The following RMDN3 variants were observed in gnomAD, a reference collection of about 807,000 sequenced individuals.
RMDN3 encodes regulator of microtubule dynamics 3, also known as regulator of microtubule dynamics protein 3.
RMDN3 carries 41 observed loss-of-function variants against 61.8 expected under a neutral mutation model. The ratio of observed to expected loss-of-function variants is 0.66; its 90% CI spans 0.52 to 0.86. RMDN3 has a LOEUF of 0.86. RMDN3 is among the 40% of genes least tolerant of loss of function. The pLI, the probability that RMDN3 is intolerant of heterozygous loss-of-function variation, is 0.00. For synonymous variants in RMDN3, 247 were observed against 232.0 expected, an observed-to-expected ratio of 1.06 and a Z score of -0.59; for missense variants, 557 against 585.3, an observed-to-expected ratio of 0.95 and a Z score of 0.50.
In RMDN3 at chr15:40,745,108, C is replaced by T; in HGVS notation, c.676G>A (p.Ala226Thr). The T allele has an allele frequency of 6.2e-7, 1 of 1,614,144 alleles. No individual in the cohort carries two copies. The change falls in exon 5 of 13, where the codon GCC becomes ACC. Residue 226 changes from alanine (A) to threonine (T), a missense_variant. Ala to Thr is a moderately conservative substitution (Grantham distance 58). Coordinates refer to ENST00000338376, the MANE Select transcript of RMDN3 (RefSeq NM_018145.3). Reference protein sequence around the residue: ...EEEAASGASSALEAGGSSGLE... With the variant: ...EEEAASGASSTLEAGGSSGLE... ...CCTGAGGAACCTCCAGCCTCCAGGGCACTGGAGGCACCTGAAGCTGCCTCT... is the reference window on the plus strand; with the variant it reads ...CCTGAGGAACCTCCAGCCTCCAGGGTACTGGAGGCACCTGAAGCTGCCTCT...
intron 4 of RMDN3, among the ~76,000 whole-genome samples, chr15:40,747,077 G>C (rs753798521): frequency 6.6e-6 from 1 of 152,156 alleles, no homozygotes; most frequent in Non-Finnish European, 1.5e-5. Context: ...ATGGGTAGAT[G>C]GTTTATCTGG....
intron 2 of RMDN3, among the ~76,000 whole-genome samples, chr15:40,753,251 C>T (rs1897899503): frequency 6.6e-6 from 1 of 152,186 alleles, no homozygotes; most frequent in South Asian, 2.1e-4. Flanking sequence ...TCCTCTTGGC[C>T]AGGTGTGGTG....
chr15:40,736,012 G>A lies in RMDN3; in HGVS notation c.*529C>T, dbSNP rs1897024607. Reference sequence around the variant, plus strand: ...CATTCCAAAAGCTGCCAGGACACTGGAAGTTATCAAGTGGTCCAGCCCAGG... The same window carrying A: ...CATTCCAAAAGCTGCCAGGACACTGAAAGTTATCAAGTGGTCCAGCCCAGG... On this transcript the variant is annotated 3_prime_UTR_variant, in exon 13 of 13. Transcript: ENST00000338376. 1 of 152,274 alleles carries A rather than the reference G, an allele frequency of 6.6e-6. No individual in the cohort carries two copies. The highest frequency in any genetic ancestry group is 1.5e-5 in the Non-Finnish European group (1 of 68,078). The allele number at this position is 152,274 out of a possible 1,614,324, so 9.4% of individuals were successfully genotyped here. A position where few individuals can be genotyped will look rare whatever the true frequency, so the allele number is the denominator to read the frequency against.
intron 6 of RMDN3, 94 bp downstream of exon 6, chr15:40,743,953 G>C (rs1596046136): frequency 9.7e-7 from 1 of 1,025,934 alleles, no homozygotes; most frequent in Non-Finnish European, 1.4e-6. Flanking sequence ...ACTGCTGACA[G>C]CATCTTGGTG....
intron 7 of RMDN3, chr15:40,739,412 AAC>A (rs1413707584): frequency 6.6e-6 from 1 of 152,240 alleles, no homozygotes; most frequent in Non-Finnish European, 1.5e-5. Context: ...ACACCCAAGA[AAC>A]AGTTACCTGG....
intron 6 of RMDN3, among the ~76,000 whole-genome samples, chr15:40,743,524 CTA>C (rs1288849728): frequency 1.3e-5 from 2 of 152,174 alleles, no homozygotes; most frequent in African/African-American, 2.4e-5. Context: ...ACATCAGTCT[CTA>C]AAGTCCAAGC....
Position 40,737,280 on chromosome 15 carries a change from G to C in RMDN3, c.1278+8C>G, listed in dbSNP as rs184478912. The C allele has an allele frequency of 6.2e-7, 1 of 1,613,636 alleles. No individual in the cohort carries two copies. The highest frequency in any genetic ancestry group is 1.3e-5 in the African/African-American group (1 of 74,904). On this transcript the variant is annotated splice_region_variant and intron_variant, in intron 11 of 12. Transcript: ENST00000338376. ...CAGATCTATGTTGAAGTAGACAAAT[G>C]AGTTTACCTTGGAAATATATACCCT...
At position 40,737,604 on chromosome 15, in the gene RMDN3, GCCTGCCACCTGCC is replaced by G; in HGVS notation, c.1224+11_1224+23del. On this transcript the variant is annotated intron_variant, in intron 10 of 12. Coordinates refer to ENST00000338376, the MANE Select transcript of RMDN3 (RefSeq NM_018145.3). ...AAAACAAGGTTACCCTGGTGTTTTT[GCCTGCCACCTGCC>G]CCTCTCATACCTTTAGGAAGCTCTG... is the stretch of plus-strand genomic sequence containing the variant. 6.3e-7 allele frequency: 1 copy of G among 1,587,218 alleles called. No individual in the cohort carries two copies. The highest frequency in any genetic ancestry group is 1.1e-5 in the South Asian group (1 of 90,094).
intron 7 of RMDN3, among the ~76,000 whole-genome samples, 187 bp downstream of exon 7, chr15:40,739,946 C>A (rs1292978504): frequency 6.6e-6 from 1 of 152,198 alleles, no homozygotes; most frequent in East Asian, 1.9e-4. Flanking sequence ...CCCTAAGCCA[C>A]CTCCCCTACC....
chr15:40,744,239 T>C, intron 5 of RMDN3, 90 bp from the exon 6 acceptor site: 1 of 1,219,002 alleles, frequency 8.2e-7, no homozygotes, highest in Non-Finnish European at 1.2e-6. Context: ...TAGGTTTGAA[T>C]TTCCAAGCTA....
At chr15:40,749,680 A>C (rs1011776292) in intron 4 of RMDN3, among the ~76,000 whole-genome samples, 2 of 152,178 alleles carry the variant, frequency 1.3e-5, no homozygotes, top group Non-Finnish European at 2.9e-5. Context: ...TGTTCTTTAC[A>C]TCTCAGTGCC....
Position 40,751,425 on chromosome 15 carries a change from C to T in RMDN3, c.524+1G>A. On this transcript the variant is annotated splice_donor_variant, in intron 4 of 12. Transcript: ENST00000338376. LOFTEE classifies it high-confidence loss of function. Reference sequence around the variant, plus strand: ...AACTGCCTCCAAGAGAGACAACTCACCCCCCTTCACTCTCAGCATCTGTGA... The same window carrying T: ...AACTGCCTCCAAGAGAGACAACTCATCCCCCTTCACTCTCAGCATCTGTGA... 1.2e-6 allele frequency: 2 copies of T among 1,613,898 alleles called. No homozygotes were observed. The highest frequency in any genetic ancestry group is 1.7e-6 in the Non-Finnish European group (2 of 1,179,784).
At position 40,745,053 on chromosome 15, in the gene RMDN3, T is replaced by C. The variant is rs761050967; in HGVS notation, c.731A>G (p.Gln244Arg). ...ATCACCCCTGTGCAGCTCGTCGGCC[T>C]GCTGCAGGAGGGGCAGCACATCCTC... ...GLEDVLPLLQ[Q>R]ADELHRGDEQ... Residue 244 changes from glutamine (Q) to arginine (R), a missense_variant, in exon 5 of 13, where the codon CAG becomes CGG. Physicochemically the swap from Gln to Arg is conservative, Grantham distance 43. Coordinates refer to ENST00000338376, the MANE Select transcript of RMDN3 (RefSeq NM_018145.3). The C allele has an allele frequency of 1.9e-6, 3 of 1,614,100 alleles. No individual in the cohort carries two copies. The Admixed American group carries it at 5.0e-5, about 27-fold the overall frequency.
intron 8 of RMDN3, 60 bp downstream of exon 8, chr15:40,738,441 G>C (rs1897151342): frequency 3.2e-5 from 50 of 1,560,422 alleles, no homozygotes; most frequent in Non-Finnish European, 4.3e-5. Context: ...CAGGGAGCTG[G>C]AAAGGAGTGG....
At chr15:40,738,086 T>C (rs916597630) in intron 8 of RMDN3, 44 bp from the exon 9 acceptor site, 4 of 1,601,512 alleles carry the variant, frequency 2.5e-6, no homozygotes, top group African/African-American at 2.7e-5. Flanking sequence ...GACACCAGAG[T>C]TGCTAAAAGA....
chr15:40,745,246 T>C lies in RMDN3; in HGVS notation c.538A>G (p.Asn180Asp). The change falls in exon 5 of 13, where the codon AAT (asparagine) becomes GAT (aspartate). Residue 180 changes from asparagine (N) to aspartate (D), a missense_variant. Transcript: ENST00000338376. ...AESEGGYTTA[N>D]AESDNERDSD... ...TCCCGCTCATTGTCAGACTCCGCAT[T>C]GGCTGTTGTGTAACTGGCAGAGAAA... The C allele has an allele frequency of 1.2e-6, 2 of 1,613,716 alleles. No homozygotes were observed. The highest frequency in any genetic ancestry group is 1.7e-6 in the Non-Finnish European group (2 of 1,179,926).
chr15:40,747,919 T>G (rs1173514409), intron 4 of RMDN3: 1 of 152,194 alleles, frequency 6.6e-6, no homozygotes, highest in Admixed American at 6.5e-5. Flanking sequence ...CCCAACTTAA[T>G]GAGGTCATAA....
Position 40,740,167 on chromosome 15 carries a change from C to A in RMDN3, c.937G>T (p.Glu313Ter). ...CAGTCAGCACTCTCATCCCCCTTCT[C>A]CAGAGCAGCCTCTGCTTCTTCTTTT... ...DGKEEAEAAL[E>*]KGDESADCHL... The change falls in exon 7 of 13, where the codon GAG becomes TAG. Residue 313 changes from glutamate to a stop codon, truncating the protein, a stop_gained. Coordinates refer to ENST00000338376, the MANE Select transcript of RMDN3 (RefSeq NM_018145.3). LOFTEE classifies it high-confidence loss of function. The A allele has an allele frequency of 6.2e-7, 1 of 1,612,468 alleles. No homozygotes were observed. The highest frequency in any genetic ancestry group is 8.5e-7 in the Non-Finnish European group (1 of 1,178,896).
chr15:40,741,372 A>C (rs1350705373), intron 6 of RMDN3, among the ~76,000 whole-genome samples: 1 of 152,060 alleles, frequency 6.6e-6, no homozygotes, highest in Non-Finnish European at 1.5e-5. Flanking sequence ...AGGATCCACG[A>C]TCCAACAATA....
Sources: gnomAD v4.1 joint callset for allele counts (sites outside exome capture counted in the v4.1 genomes callset) on GRCh38, gnomAD v4.1.1 for gene constraint, MANE v1.5 for transcripts, NCBI Gene and HGNC (gene_info 2026-07-23, HGNC 2026-07-21) for gene names.